Variants in NCOA1 observed in about 807,000 individuals in gnomAD.
NCOA1 encodes Hin-2 protein.
NCOA1 carries 35 observed loss-of-function variants against 150.9 expected under a neutral mutation model. That is an observed-to-expected ratio of 0.23 (90% CI 0.18 to 0.31). The LOEUF (loss-of-function observed/expected upper bound fraction) is 0.31, where lower values mean the gene tolerates loss of function less well. Among genes scored for constraint, NCOA1 ranks in the 10% least tolerant of loss-of-function variants. NCOA1 has a pLI of 1.00. For missense variants in NCOA1, 1,491 were observed against 1,749.3 expected, an observed-to-expected ratio of 0.85 and a Z score of 2.63; for synonymous variants, 590 against 630.0, an observed-to-expected ratio of 0.94 and a Z score of 0.95.
intron 1 of NCOA1, among the ~76,000 whole-genome samples, chr2:24,538,764 T>C (rs1665269654): frequency 6.6e-6 from 1 of 152,224 alleles, no homozygotes; most frequent in Non-Finnish European, 1.5e-5. Context: ...ATTTGTCATG[T>C]ACGAGACTTC....
chr2:24,698,623 T>C (rs1673010363), intron 11 of NCOA1, among the ~76,000 whole-genome samples: 1 of 152,214 alleles, frequency 6.6e-6, no homozygotes, highest in African/African-American at 2.4e-5. Flanking sequence ...AATATTGTCA[T>C]TTAATTATGG....
At chr2:24,672,906 C>T (rs533798489) in intron 6 of NCOA1, among the ~76,000 whole-genome samples, 83 of 152,186 alleles carry the variant, frequency 5.5e-4, no homozygotes, top group African/African-American at 1.8e-3. Context: ...CATCATGGCA[C>T]GAATGTGAAA....
chr2:24,736,938 C>G (rs1663341051), intron 17 of NCOA1, among the ~76,000 whole-genome samples: 1 of 152,168 alleles, frequency 6.6e-6, no homozygotes. Flanking sequence ...TGGTAAAGCA[C>G]TGGGAAGAAA....
intron 1 of NCOA1, among the ~76,000 whole-genome samples, chr2:24,504,089 A>C (rs1440725994): frequency 6.6e-6 from 1 of 151,118 alleles, no homozygotes; most frequent in Non-Finnish European, 1.5e-5. Flanking sequence ...ATTATAGTAG[A>C]TGGAGACTTG....
intron 14 of NCOA1, among the ~76,000 whole-genome samples, chr2:24,726,132 G>A (rs1001917267): frequency 1.3e-5 from 2 of 152,076 alleles, no homozygotes; most frequent in Non-Finnish European, 2.9e-5. Flanking sequence ...GTAGAGCTGT[G>A]TTCATTTGCT....
intron 4 of NCOA1, among the ~76,000 whole-genome samples, chr2:24,652,423 A>G (rs561981110): frequency 2.6e-5 from 4 of 152,168 alleles, no homozygotes; most frequent in Non-Finnish European, 1.5e-5. Context: ...TAACTTGGGG[A>G]TATTTAGCTC....
chr2:24,733,173 G>A (rs1440837969), intron 17 of NCOA1, among the ~76,000 whole-genome samples: 2 of 152,158 alleles, frequency 1.3e-5, no homozygotes, highest in African/African-American at 2.4e-5. Context: ...AGAAATTGAG[G>A]TTTAAATATA....
intron 3 of NCOA1, among the ~76,000 whole-genome samples, chr2:24,640,896 C>A (rs1457666978): frequency 2.0e-5 from 3 of 151,966 alleles, no homozygotes; most frequent in Non-Finnish European, 2.9e-5. Context: ...TCCCTAGTTT[C>A]CATCTTTTAA....
chr2:24,626,175 A>G (rs1037445826), intron 3 of NCOA1, among the ~76,000 whole-genome samples: 2 of 152,176 alleles, frequency 1.3e-5, no homozygotes, highest in African/African-American at 4.8e-5. Flanking sequence ...TGTATATTTA[A>G]GCTCTGTCAT....
In NCOA1 at chr2:24,531,176, A is replaced by G. The variant is rs545430838; in HGVS notation, c.-395-33119A>G. Among the ~76,000 whole-genome samples, 4 of 152,326 alleles carry G rather than the reference A, an allele frequency of 2.6e-5. No individual in the cohort carries two copies. In the South Asian group the frequency reaches 6.2e-4, roughly 24 times the overall value. On this transcript the variant is annotated intron_variant, in intron 1 of 22. Coordinates refer to ENST00000348332, the MANE Select transcript of NCOA1 (RefSeq NM_003743.5). ...TAGTGCAGCCATTATGTAAAACAGT[A>G]TGGAGGTTCCTAAAGAAATTAAAAA...
intron 1 of NCOA1, among the ~76,000 whole-genome samples, chr2:24,501,840 CA>C (rs1050983677): frequency 6.6e-5 from 10 of 152,246 alleles, no homozygotes; most frequent in Non-Finnish European, 1.5e-4. Context: ...TGACCTCCCC[CA>C]ATGGTTTAGG....
In NCOA1 at chr2:24,680,746, A is replaced by G. The variant is rs186161578; in HGVS notation, c.355-2205A>G. Among the ~76,000 whole-genome samples the G allele has an allele frequency of 2.1e-3, 313 of 152,290 alleles. 1 individual carries two copies. Among genetic ancestry groups the G allele is most frequent in the Non-Finnish European group, 3.4e-3 (230 of 68,020 alleles). On this transcript the variant is annotated intron_variant, in intron 7 of 22. Transcript: ENST00000348332. ...AAGTGTTTTCACCACAAAAAAAATG[A>G]TAAGTATATGAGGTAGTGCTTATGT...
At chr2:24,549,344 C>T (rs770428814) in intron 1 of NCOA1, among the ~76,000 whole-genome samples, 1 of 152,072 alleles carries the variant, frequency 6.6e-6, no homozygotes, top group Non-Finnish European at 1.5e-5. Context: ...GGGCCTGGCC[C>T]GCAAAACCAT....
At chr2:24,725,466 C>T (rs1296487545) in intron 14 of NCOA1, among the ~76,000 whole-genome samples, 1 of 151,992 alleles carries the variant, frequency 6.6e-6, no homozygotes, top group African/African-American at 2.4e-5. Flanking sequence ...AGACACTAGT[C>T]ATATTGGATT....
intron 20 of NCOA1, among the ~76,000 whole-genome samples, chr2:24,755,170 G>A (rs1329660740): frequency 6.6e-6 from 1 of 152,230 alleles, no homozygotes; most frequent in African/African-American, 2.4e-5. Context: ...GCAGGTCAGA[G>A]AGAATTAAAA....
At chr2:24,572,592 G>C (rs1666784473) in intron 2 of NCOA1, among the ~76,000 whole-genome samples, 1 of 152,142 alleles carries the variant, frequency 6.6e-6, no homozygotes, top group Non-Finnish European at 1.5e-5. Context: ...GATTGTGGAA[G>C]GTGACTCTGA....
At chr2:24,554,895 C>T in intron 1 of NCOA1, among the ~76,000 whole-genome samples, 1 of 152,160 alleles carries the variant, frequency 6.6e-6, no homozygotes. Context: ...CGCTTCTCTA[C>T]TTACCGTTTT....
chr2:24,739,568 T>C (rs1663502425), intron 18 of NCOA1, 35 bp downstream of exon 18: 2 of 1,472,898 alleles, frequency 1.4e-6, no homozygotes, highest in Non-Finnish European at 9.5e-7. Flanking sequence ...TTAGTACTTC[T>C]TTAACCCACA....
At position 24,770,026 on chromosome 2, in the gene NCOA1, T is replaced by G. The variant is rs1343633638; in HGVS notation, c.*1635T>G. The G allele has an allele frequency of 4.4e-6, 1 of 228,172 alleles. No homozygotes were observed. 14.1% of individuals were successfully genotyped at this position (228,172 alleles called of 1,614,324 possible). A position where few individuals can be genotyped will look rare whatever the true frequency, so the allele number is the denominator to read the frequency against. ...CCTTCTGCATCTCACCACCCCTAGT[T>G]ACAAATAACTCCATTGAACAGCATC... On this transcript the variant is annotated 3_prime_UTR_variant, in exon 23 of 23. Transcript: ENST00000348332.
Sources: gnomAD v4.1 joint callset for allele counts (sites outside exome capture counted in the v4.1 genomes callset) on GRCh38, gnomAD v4.1.1 for gene constraint, MANE v1.5 for transcripts, NCBI Gene and HGNC (gene_info 2026-07-23, HGNC 2026-07-21) for gene names.